The following YBX3 variants were observed in gnomAD, a reference collection of about 807,000 sequenced individuals.
YBX3 encodes Y-box-binding protein 3.
In YBX3, 29 loss-of-function variants were observed where a neutral mutation model predicts 42.4. The observed-to-expected ratio is 0.68, with a 90% CI of 0.51 to 0.93. The LOEUF (loss-of-function observed/expected upper bound fraction) is 0.93. Among genes scored for constraint, YBX3 ranks in the 40% least tolerant of loss-of-function variants. The pLI is 0.00. For synonymous variants in YBX3, 195 were observed against 189.8 expected, an observed-to-expected ratio of 1.03 and a Z score of -0.22; for missense variants, 517 against 527.5, an observed-to-expected ratio of 0.98 and a Z score of 0.19.
chr12:10,712,937 A>G (rs998013533), intron 5 of YBX3: 4 of 388,712 alleles, frequency 1.0e-5, no homozygotes, highest in African/African-American at 8.3e-5. Flanking sequence ...TACCGTGTAT[A>G]CTGCTCCAGT....
At position 10,713,309 on chromosome 12, in the gene YBX3, C is replaced by T; in HGVS notation, c.475G>A (p.Gly159Ser). 1 of 1,613,966 alleles carries T rather than the reference C, an allele frequency of 6.2e-7. No individual in the cohort carries two copies. The highest frequency in any genetic ancestry group is 8.5e-7 in the Non-Finnish European group (1 of 1,180,014). The change falls in exon 5 of 10, where the codon GGC (glycine) becomes AGC (serine). Residue 159 changes from glycine to serine, a missense_variant. Physicochemically the swap from Gly to Ser is moderately conservative, Grantham distance 56. Coordinates refer to ENST00000228251, the MANE Select transcript of YBX3 (RefSeq NM_003651.5). ...EKGAEAANVT[G>S]PDGVPVEGSR... Reference sequence around the variant, plus strand: ...CCTTCCACAGGAACTCCATCCGGGCCAGTCACATTGGCAGCTTCTGCACCC... The same window carrying T: ...CCTTCCACAGGAACTCCATCCGGGCTAGTCACATTGGCAGCTTCTGCACCC...
At position 10,710,017 on chromosome 12, in the gene YBX3, CGCAGCTGATTCCGGGCCCCAGAGAACT is replaced by C. The variant is rs1200451043; in HGVS notation, c.644_670del (p.Gln215_Leu223del). 1 of 1,613,906 alleles carries C rather than the reference CGCAGCTGATTCCGGGCCCCAGAGAACT, an allele frequency of 6.2e-7. No homozygotes were observed. Among genetic ancestry groups the C allele is most frequent in the Non-Finnish European group, 8.5e-7 (1 of 1,179,936 alleles). On this transcript the variant is annotated inframe_deletion, in exon 6 of 10. Transcript: ENST00000228251. ...GTACTGAGGGCGATACTGGGGGCGG[CGCAGCTGATTCCGGGCCCCAGAGAACT>C]GCCTATCAGTGGCAGGGGGGTCAAA...
chr12:10,715,412 G>T (rs942472940), intron 4 of YBX3, among the ~76,000 whole-genome samples: 1 of 151,924 alleles, frequency 6.6e-6, no homozygotes, highest in Non-Finnish European at 1.5e-5. Flanking sequence ...CGGGCGTGGT[G>T]GTGGATGCCT....
intron 6 of YBX3, among the ~76,000 whole-genome samples, chr12:10,708,959 G>C (rs999790609): frequency 3.3e-5 from 5 of 152,166 alleles, no homozygotes; most frequent in African/African-American, 1.2e-4. Flanking sequence ...TAGAAGCCCA[G>C]AGTGCTGCCC....
intron 6 of YBX3, among the ~76,000 whole-genome samples, chr12:10,706,169 G>A (rs1433821180): frequency 4.6e-5 from 7 of 152,282 alleles, no homozygotes; most frequent in Admixed American, 2.0e-4. Flanking sequence ...GCAAACACAC[G>A]TGCCTACCTT....
intron 9 of YBX3, 44 bp downstream of exon 9, chr12:10,701,209 TA>T (rs1237960937): frequency 1.3e-6 from 1 of 753,964 alleles, no homozygotes; most frequent in Non-Finnish European, 2.4e-6. Flanking sequence ...CCAGTGATAC[TA>T]AAAAGAAAAT....
chr12:10,722,732 T>C (rs2121003101), intron 1 of YBX3, 118 bp downstream of exon 1: 1 of 956,242 alleles, frequency 1.0e-6, no homozygotes, highest in East Asian at 3.5e-5. Flanking sequence ...CTGGGGACCC[T>C]GTGCTGTCAG....
intron 5 of YBX3, chr12:10,711,161 T>C (rs1295698888): frequency 6.6e-6 from 1 of 152,156 alleles, no homozygotes; most frequent in Non-Finnish European, 1.5e-5. Context: ...ATATTTTTCT[T>C]CTATTTAAAT....
At chr12:10,717,545 C>T (rs1948276354) in intron 3 of YBX3, among the ~76,000 whole-genome samples, 2 of 152,194 alleles carry the variant, frequency 1.3e-5, no homozygotes, top group Non-Finnish European at 2.9e-5. Context: ...TCCTGCAAAT[C>T]TAAGGGAATT....
intron 3 of YBX3, chr12:10,716,232 A>C (rs1948260511): frequency 5.9e-6 from 1 of 169,696 alleles, no homozygotes; most frequent in Non-Finnish European, 1.3e-5. Flanking sequence ...TTATCTCAAG[A>C]ATCAGAACGT....
At chr12:10,712,804 A>G (rs1235224618) in intron 5 of YBX3, 1 of 155,142 alleles carries the variant, frequency 6.4e-6, no homozygotes, top group Non-Finnish European at 1.4e-5. Flanking sequence ...CTGTTAAAAG[A>G]TAATTAAATG....
At chr12:10,707,060 T>C (rs1017262501) in intron 6 of YBX3, among the ~76,000 whole-genome samples, 3 of 142,294 alleles carry the variant, frequency 2.1e-5, no homozygotes, top group Admixed American at 1.4e-4. Flanking sequence ...TTCCAAATAA[T>C]TATTTGCAGT....
At chr12:10,721,519 TACTACTG>T (rs1565593281) in intron 1 of YBX3, among the ~76,000 whole-genome samples, 1 of 152,216 alleles carries the variant, frequency 6.6e-6, no homozygotes, top group South Asian at 2.1e-4. Context: ...CATCACAATG[TACTACTG>T]ACTAGATTTA....
intron 9 of YBX3, among the ~76,000 whole-genome samples, chr12:10,700,924 T>C (rs1024407360): frequency 2.0e-5 from 3 of 152,248 alleles, no homozygotes; most frequent in African/African-American, 7.2e-5. Context: ...AAACTGTTTC[T>C]GATTACTAAA....
At chr12:10,720,012 A>G (rs527613935) in intron 1 of YBX3, among the ~76,000 whole-genome samples, 1 of 152,330 alleles carries the variant, frequency 6.6e-6, no homozygotes, top group South Asian at 2.1e-4. Context: ...ATCAATTATG[A>G]ATGACAAATT....
intron 5 of YBX3, chr12:10,710,417 G>A: frequency 7.7e-7 from 1 of 1,291,200 alleles, no homozygotes; most frequent in Non-Finnish European, 9.9e-7. Flanking sequence ...CACCCGAAGA[G>A]TATCTGCAAG....
chr12:10,714,742 C>T (rs1203637986), intron 4 of YBX3, among the ~76,000 whole-genome samples: 1 of 151,810 alleles, frequency 6.6e-6, no homozygotes, highest in Non-Finnish European at 1.5e-5. Context: ...AATCTTTTGC[C>T]CCAAAGCAGT....
intron 6 of YBX3, 166 bp from the exon 7 acceptor site, chr12:10,704,314 G>C: frequency 1.8e-6 from 1 of 547,174 alleles, no homozygotes; most frequent in South Asian, 2.9e-5. Flanking sequence ...AAATCTTCGT[G>C]AACGACTGAA....
Position 10,716,638 on chromosome 12 carries a change from C to T in YBX3, c.361-855G>A, listed in dbSNP as rs61912196. Reference sequence around the variant, plus strand: ...ATCTCTAAACAGTTAAAGGGGCTTGCGTTTCTATGGAACTAGGTCAACCTT... The same window carrying T: ...ATCTCTAAACAGTTAAAGGGGCTTGTGTTTCTATGGAACTAGGTCAACCTT... On this transcript the variant is annotated intron_variant, in intron 3 of 9. Transcript: ENST00000228251. Among the ~76,000 whole-genome samples the T allele has an allele frequency of 5.7e-3, 868 of 152,236 alleles. 12 individuals carry two copies. Among genetic ancestry groups the T allele is most frequent in the South Asian group, 0.015 (74 of 4,818 alleles).
Sources: allele counts gnomAD v4.1 joint callset (sites outside exome capture counted in the v4.1 genomes callset), GRCh38; gene constraint gnomAD v4.1.1; transcripts MANE v1.5; gene names NCBI Gene and HGNC (gene_info 2026-07-23, HGNC 2026-07-21).